Variants in ZCCHC14 observed in about 807,000 individuals in gnomAD.
ZCCHC14 encodes the protein zinc finger CCHC-type containing 14, also known as zinc finger CCHC domain-containing protein 14.
Under a neutral mutation model 85.0 loss-of-function variants are expected in ZCCHC14, and 16 were observed. That is an observed-to-expected ratio of 0.19 (90% CI 0.13 to 0.29). The LOEUF (loss-of-function observed/expected upper bound fraction) is 0.29, where lower values mean the gene tolerates loss of function less well. Ranked by LOEUF, ZCCHC14 falls within the 10% of genes least tolerant of loss-of-function variation. ZCCHC14 has a pLI of 1.00. For missense variants in ZCCHC14, 1,303 were observed against 1,443.5 expected (o/e 0.90, Z 1.58); for synonymous variants, 775 against 630.7 (o/e 1.23, Z -3.43).
At chr16:87,482,968 G>C (rs1433663619) in intron 1 of ZCCHC14, among the ~76,000 whole-genome samples, 2 of 151,618 alleles carry the variant, frequency 1.3e-5, no homozygotes, top group African/African-American at 4.9e-5. Context: ...TGTATGATGA[G>C]AAACGCATTA....
intron 2 of ZCCHC14, among the ~76,000 whole-genome samples, chr16:87,450,425 G>C (rs1321919261): frequency 6.6e-6 from 1 of 152,266 alleles, no homozygotes; most frequent in South Asian, 2.1e-4. Flanking sequence ...GACATGCAAT[G>C]TTATACTTAA....
chr16:87,411,781 G>T lies in ZCCHC14; in HGVS notation c.2940C>A (p.Gly980=). 1 of 1,610,734 alleles carries T rather than the reference G, an allele frequency of 6.2e-7. No homozygotes were observed. Residue 980 remains glycine (G), a synonymous_variant, in exon 12 of 13, where the codon GGC becomes GGA. Transcript: ENST00000671377. The part of the protein sequence containing the change: ...SGYVSAQQYG[G]GSTFPVVHAP... ...CGTGCACGACGGGGAAGGTGGAGCC[G>T]CCGCCGTACTGCTGGGCGCTGACGT...
intron 4 of ZCCHC14, 85 bp downstream of exon 4, chr16:87,423,725 T>C (rs1597406544): frequency 1.4e-6 from 2 of 1,470,792 alleles, no homozygotes; most frequent in Non-Finnish European, 1.9e-6. Flanking sequence ...CTGAAGGGAG[T>C]GGCCTCTGAA....
intron 3 of ZCCHC14, among the ~76,000 whole-genome samples, chr16:87,432,715 G>A (rs1250491865): frequency 6.6e-6 from 1 of 152,188 alleles, no homozygotes; most frequent in African/African-American, 2.4e-5. Context: ...CAACTTCAGT[G>A]ACCAGCTCCC....
chr16:87,429,208 G>A (rs9923598), intron 3 of ZCCHC14, among the ~76,000 whole-genome samples: 35,879 of 152,082 alleles, frequency 0.24, 4,737 homozygotes, highest in East Asian at 0.45. Flanking sequence ...TGGGGCCGGC[G>A]TTTTTCATTC....
In ZCCHC14 at chr16:87,459,953, G is replaced by C. The variant is rs541995170; in HGVS notation, c.694+55C>G. The stretch of plus-strand genomic sequence containing the variant: ...AACAATGCCCTCACGGGGATCTGGG[G>C]TGTGCCCATCCTCCGTCCGTCAGAC... On this transcript the variant is annotated intron_variant, in intron 2 of 12. Coordinates refer to ENST00000671377, the MANE Select transcript of ZCCHC14 (RefSeq NM_015144.3). 24 of 1,612,410 alleles carry C rather than the reference G, an allele frequency of 1.5e-5. No homozygotes were observed. In the African/African-American group the frequency reaches 2.5e-4, roughly 17 times the overall value.
rs146253378 is a variant in ZCCHC14, at chr16:87,453,836, C to T, written c.694+6172G>A. On this transcript the variant is annotated intron_variant, in intron 2 of 12. Transcript: ENST00000671377. ...AAAACGCGATGAATGGACACCAGCC[C>T]TAAGTGACCCCAATGCTGGAACTGG... is the stretch of plus-strand genomic sequence containing the variant. 3.5e-3 allele frequency among the ~76,000 whole-genome samples: 533 copies of T among 152,314 alleles called. 2 individuals are homozygous for T. Among genetic ancestry groups the T allele is most frequent in the African/African-American group, 0.012 (519 of 41,560 alleles).
chr16:87,431,068 G>T (rs1158148268), intron 3 of ZCCHC14, among the ~76,000 whole-genome samples: 1 of 152,034 alleles, frequency 6.6e-6, no homozygotes, highest in Non-Finnish European at 1.5e-5. Context: ...AAGCCCAGGA[G>T]ATCGAGGCTG....
At chr16:87,461,015 G>A (rs892279292) in intron 1 of ZCCHC14, among the ~76,000 whole-genome samples, 3 of 152,248 alleles carry the variant, frequency 2.0e-5, no homozygotes, top group African/African-American at 7.2e-5. Flanking sequence ...GCCCACTGCA[G>A]GAGTGTCTGT....
intron 1 of ZCCHC14, chr16:87,470,582 T>C (rs973181216): frequency 1.3e-5 from 2 of 152,188 alleles, no homozygotes; most frequent in Non-Finnish European, 2.9e-5. Context: ...GCTGTTAGGA[T>C]ACAGTCAATC....
intron 1 of ZCCHC14, among the ~76,000 whole-genome samples, chr16:87,475,018 G>C (rs1693292906): frequency 6.6e-6 from 1 of 152,166 alleles, no homozygotes; most frequent in African/African-American, 2.4e-5. Flanking sequence ...TTCTACAACA[G>C]ATCACTCACA....
At chr16:87,467,070 A>G (rs1911557631) in intron 1 of ZCCHC14, 1 of 456,442 alleles carries the variant, frequency 2.2e-6, no homozygotes, top group Non-Finnish European at 3.9e-6. Flanking sequence ...TTTACTAAAG[A>G]GACAGGGTCC....
At chr16:87,462,691 G>A (rs1911324472) in intron 1 of ZCCHC14, among the ~76,000 whole-genome samples, 1 of 150,644 alleles carries the variant, frequency 6.6e-6, no homozygotes, top group Non-Finnish European at 1.5e-5. Context: ...AGTGAGCCGA[G>A]ATCGCGCCCC....
At chr16:87,452,473 G>A (rs1437851061) in intron 2 of ZCCHC14, among the ~76,000 whole-genome samples, 3 of 152,226 alleles carry the variant, frequency 2.0e-5, no homozygotes, top group East Asian at 3.9e-4. Flanking sequence ...ACAGGCTTGG[G>A]TAAGACGGCT....
chr16:87,492,989 G>C lies in ZCCHC14; in HGVS notation c.-751C>G, dbSNP rs1912854466. 6.6e-6 allele frequency among the ~76,000 whole-genome samples: 1 copy of C among 151,866 alleles called. No homozygotes were observed. On this transcript the variant is annotated 5_prime_UTR_variant, in exon 1 of 13. Coordinates refer to ENST00000671377, the MANE Select transcript of ZCCHC14 (RefSeq NM_015144.3). This position sits in a 1 kb window ranked among gnomAD's most constrained non-coding sequence, Gnocchi z 6.7. ...GGCCGAGGAGCGGAGGGATCGTCGCGCTCGCGGCTGACGGGCGGCCGGGAT... is the reference window on the plus strand; with the variant it reads ...GGCCGAGGAGCGGAGGGATCGTCGCCCTCGCGGCTGACGGGCGGCCGGGAT...
intron 1 of ZCCHC14, among the ~76,000 whole-genome samples, chr16:87,461,071 T>C (rs1911232510): frequency 6.6e-6 from 1 of 152,208 alleles, no homozygotes; most frequent in East Asian, 1.9e-4. Context: ...GACAGAGACC[T>C]GCTAAGCACA....
At chr16:87,467,554 T>G in intron 1 of ZCCHC14, 1 of 1,573,284 alleles carries the variant, frequency 6.4e-7, no homozygotes, top group Admixed American at 1.7e-5. Context: ...TTTAATGTCA[T>G]CCCACCAATT....
rs1412624416 is a variant in ZCCHC14 at position 87,492,743 on chromosome 16, T to A, written c.-505A>T. 1 of 145,502 alleles carries A rather than the reference T, an allele frequency of 6.9e-6. No homozygotes were observed. Among genetic ancestry groups the A allele is most frequent in the East Asian group, 2.0e-4 (1 of 4,926 alleles). The allele number at this position is 145,502 out of a possible 1,614,324, so 9.0% of individuals were successfully genotyped here. On this transcript the variant is annotated 5_prime_UTR_variant, in exon 1 of 13. Transcript: ENST00000671377. The surrounding 1 kb of genome is among the most constrained non-coding windows in gnomAD (Gnocchi z 6.7). ...CCGCGCCTCCGCCCAGGCCGGCCGTTACCCCGGGCCGCGGGCGCGGCGTCG... is the reference window on the plus strand; with the variant it reads ...CCGCGCCTCCGCCCAGGCCGGCCGTAACCCCGGGCCGCGGGCGCGGCGTCG...
chr16:87,444,038 G>GAAAA (rs56352252), intron 2 of ZCCHC14, among the ~76,000 whole-genome samples: 807 of 73,486 alleles, frequency 0.011, no homozygotes, highest in Non-Finnish European at 0.012. Flanking sequence ...CTCTATCACA[G>GAAAA]AAAAAAAAAA....
Sources: gnomAD v4.1 joint callset for allele counts (sites outside exome capture counted in the v4.1 genomes callset) on GRCh38, gnomAD v4.1.1 for gene constraint, Gnocchi (gnomAD v3.1) non-coding constraint, MANE v1.5 for transcripts, NCBI Gene and HGNC (gene_info 2026-07-23, HGNC 2026-07-21) for gene names.